LRFN2: variants seen among roughly 807,000 people sequenced by gnomAD.
LRFN2 encodes leucine rich repeat and fibronectin type III domain containing 2.
In LRFN2, 18 loss-of-function variants were observed where a neutral mutation model predicts 37.3. The ratio of observed to expected loss-of-function variants is 0.48; its 90% CI spans 0.33 to 0.72. LRFN2 has a LOEUF of 0.72. LRFN2 is among the 30% of genes least tolerant of loss of function. The probability of loss-of-function intolerance (pLI) is 0.02; values close to 1 mark genes in which losing one functional copy is unlikely to be tolerated. For missense variants in LRFN2, 1,006 were observed against 1,060.7 expected, an observed-to-expected ratio of 0.95 and a Z score of 0.72; for synonymous variants, 556 against 466.6, an observed-to-expected ratio of 1.19 and a Z score of -2.47.
chr6:40,534,202 G>A (rs908795655), intron 1 of LRFN2, among the ~76,000 whole-genome samples: 3 of 152,194 alleles, frequency 2.0e-5, no homozygotes, highest in African/African-American at 7.2e-5. Flanking sequence ...TCTGCCAGCA[G>A]CTATGTGACC....
At chr6:40,433,389 C>G (rs1279577784) in intron 1 of LRFN2, among the ~76,000 whole-genome samples, 2 of 152,216 alleles carry the variant, frequency 1.3e-5, no homozygotes, top group Non-Finnish European at 2.9e-5. Flanking sequence ...TTTCAGTCCT[C>G]TATGGTCAGC....
chr6:40,573,966 CA>C (rs1767231944), intron 1 of LRFN2, among the ~76,000 whole-genome samples: 1 of 152,108 alleles, frequency 6.6e-6, no homozygotes. Flanking sequence ...GTGTCAAAAA[CA>C]AAACAAACAA....
intron 1 of LRFN2, among the ~76,000 whole-genome samples, chr6:40,560,965 A>C (rs1440626084): frequency 1.3e-5 from 2 of 152,300 alleles, no homozygotes; most frequent in East Asian, 3.9e-4. Context: ...CTGTAATTTG[A>C]TTCAGCAAAT....
chr6:40,472,036 G>A (rs1051490834), intron 1 of LRFN2, among the ~76,000 whole-genome samples: 2 of 152,154 alleles, frequency 1.3e-5, no homozygotes, highest in African/African-American at 4.8e-5. Flanking sequence ...AGATGCCCCA[G>A]CCCCACTTGC....
At chr6:40,428,475 C>T (rs1205856306) in intron 2 of LRFN2, among the ~76,000 whole-genome samples, 1 of 152,210 alleles carries the variant, frequency 6.6e-6, no homozygotes, top group Non-Finnish European at 1.5e-5. Context: ...GGTGTCCATG[C>T]TTTCTAATGA....
chr6:40,480,292 T>C (rs561424797), intron 1 of LRFN2, among the ~76,000 whole-genome samples: 1 of 152,278 alleles, frequency 6.6e-6, no homozygotes, highest in East Asian at 1.9e-4. Context: ...TTCCTTTCTT[T>C]TTTGAGATGA....
chr6:40,472,918 C>A lies in LRFN2; in HGVS notation c.-18-39787G>T, dbSNP rs572241771. Among the ~76,000 whole-genome samples, 69 of 152,252 alleles carry A rather than the reference C, an allele frequency of 4.5e-4. 2 individuals carry two copies. Among genetic ancestry groups the A allele is most frequent in the Non-Finnish European group, 5.9e-5 (4 of 68,014 alleles). ...TGTCTCTCCCACCCTGGCATTCACA[C>A]CCTTCATTCACTCGGGGCTGCATCC... On this transcript the variant is annotated intron_variant, in intron 1 of 2. Transcript: ENST00000338305.
intron 2 of LRFN2, among the ~76,000 whole-genome samples, chr6:40,418,726 C>T (rs1763151697): frequency 6.6e-6 from 1 of 152,174 alleles, no homozygotes; most frequent in Non-Finnish European, 1.5e-5. Context: ...CTCCCTATGG[C>T]TCAGAGTCCT....
intron 2 of LRFN2, among the ~76,000 whole-genome samples, chr6:40,393,344 A>G (rs1762553219): frequency 6.6e-6 from 1 of 151,840 alleles, no homozygotes; most frequent in Admixed American, 6.6e-5. Flanking sequence ...GAGACCGAGG[A>G]TGTGTCAGAG....
At chr6:40,419,330 G>A (rs551447910) in intron 2 of LRFN2, among the ~76,000 whole-genome samples, 19 of 152,288 alleles carry the variant, frequency 1.2e-4, no homozygotes, top group Non-Finnish European at 2.4e-4. Context: ...GAAGCTTGAC[G>A]TTCATTTCTG....
chr6:40,511,564 G>A (rs1765709802), intron 1 of LRFN2, among the ~76,000 whole-genome samples: 1 of 152,328 alleles, frequency 6.6e-6, no homozygotes. Context: ...TGTGTGCTCT[G>A]TTTTGTCATG....
intron 1 of LRFN2, among the ~76,000 whole-genome samples, chr6:40,561,791 A>C (rs1263942818): frequency 6.6e-6 from 1 of 152,148 alleles, no homozygotes; most frequent in African/African-American, 2.4e-5. Flanking sequence ...GAGAATTCTC[A>C]TGACAACAAG....
At position 40,493,400 on chromosome 6, in the gene LRFN2, T is replaced by C. The variant is rs142522193; in HGVS notation, c.-18-60269A>G. Among the ~76,000 whole-genome samples, 488 of 152,318 alleles carry C rather than the reference T, an allele frequency of 3.2e-3. 2 individuals carry two copies. The highest frequency in any genetic ancestry group is 0.011 in the African/African-American group (458 of 41,564). ...CCAAGGGCAGAGACACTGTTTTCTA[T>C]ATTCCAGGCTAGGTGGCATTCCACT... On this transcript the variant is annotated intron_variant, in intron 1 of 2. Coordinates refer to ENST00000338305, the MANE Select transcript of LRFN2 (RefSeq NM_020737.3).
At chr6:40,404,389 A>C (rs1025193352) in intron 2 of LRFN2, among the ~76,000 whole-genome samples, 4 of 152,202 alleles carry the variant, frequency 2.6e-5, no homozygotes, top group Non-Finnish European at 5.9e-5. Context: ...CATTGGTTGA[A>C]CTTGCAAATG....
intron 2 of LRFN2, among the ~76,000 whole-genome samples, chr6:40,412,229 C>T (rs551568144): frequency 8.5e-5 from 13 of 152,124 alleles, no homozygotes; most frequent in African/African-American, 1.4e-4. Flanking sequence ...AAACACTTCC[C>T]GCCCCACTCC....
intron 2 of LRFN2, among the ~76,000 whole-genome samples, chr6:40,410,334 G>A (rs1032166447): frequency 6.6e-6 from 1 of 152,130 alleles, no homozygotes; most frequent in East Asian, 1.9e-4. Context: ...GGTGATGGGA[G>A]CACGGGGGAG....
chr6:40,544,823 A>C (rs1293916566), intron 1 of LRFN2, among the ~76,000 whole-genome samples: 1 of 152,228 alleles, frequency 6.6e-6, no homozygotes, highest in Non-Finnish European at 1.5e-5. Flanking sequence ...GACCAGCGCC[A>C]TGTGTGACCC....
intron 1 of LRFN2, among the ~76,000 whole-genome samples, chr6:40,446,832 C>G (rs1763980361): frequency 6.6e-6 from 1 of 152,266 alleles, no homozygotes; most frequent in East Asian, 1.9e-4. Context: ...AGCTGTGTCC[C>G]CCCTCAGACT....
chr6:40,562,564 T>C (rs1028948960), intron 1 of LRFN2, among the ~76,000 whole-genome samples: 3 of 152,252 alleles, frequency 2.0e-5, no homozygotes, highest in Admixed American at 2.0e-4. Flanking sequence ...GCCAGGATCC[T>C]GCAGTTCCAT....
Sources: gnomAD v4.1 joint callset for allele counts (sites outside exome capture counted in the v4.1 genomes callset) on GRCh38, gnomAD v4.1.1 for gene constraint, MANE v1.5 for transcripts, NCBI Gene and HGNC (gene_info 2026-07-23, HGNC 2026-07-21) for gene names.